FNIP1: variants seen among roughly 807,000 people sequenced by gnomAD.
FNIP1 encodes folliculin interacting protein 1, also known as folliculin-interacting protein 1.
Under a neutral mutation model 124.5 loss-of-function variants are expected in FNIP1, and 40 were observed. That is an observed-to-expected ratio of 0.32 (90% CI 0.25 to 0.42). The LOEUF (loss-of-function observed/expected upper bound fraction) is 0.42. FNIP1 is among the 10% of genes least tolerant of loss of function. The probability of loss-of-function intolerance (pLI) is 1.00; values close to 1 mark genes in which losing one functional copy is unlikely to be tolerated. For synonymous variants in FNIP1, 472 were observed against 470.6 expected (o/e 1.00, Z -0.04); for missense variants, 1,176 against 1,403.7 (o/e 0.84, Z 2.59).
chr5:131,780,497 T>A (rs1397898299), intron 1 of FNIP1, among the ~76,000 whole-genome samples: 11 of 152,188 alleles, frequency 7.2e-5, no homozygotes, highest in Admixed American at 7.2e-4. Flanking sequence ...TTATTTTTTT[T>A]ACAAATTGAA....
chr5:131,739,833 A>C lies in FNIP1; in HGVS notation c.219+4731T>G, dbSNP rs537764296. ...AGCTCAAAAAAAAAAAAAAAAAAAA[A>C]AAAACACTGTTTTAGATACTGAGAC... On this transcript the variant is annotated intron_variant, in intron 2 of 17. Coordinates refer to ENST00000510461, the MANE Select transcript of FNIP1 (RefSeq NM_133372.3). 1.1e-3 allele frequency among the ~76,000 whole-genome samples: 160 copies of C among 148,484 alleles called. 1 individual carries two copies. The East Asian group carries it at 0.016, about 15-fold the overall frequency.
chr5:131,649,667 A>G (rs1766989290), intron 16 of FNIP1, among the ~76,000 whole-genome samples: 1 of 152,050 alleles, frequency 6.6e-6, no homozygotes, highest in African/African-American at 2.4e-5. Flanking sequence ...CAATTTATCT[A>G]TTTTTTTACT....
intron 3 of FNIP1, 57 bp from the exon 4 acceptor site, chr5:131,719,474 A>C: frequency 4.8e-6 from 7 of 1,464,142 alleles, no homozygotes; most frequent in African/African-American, 1.4e-5. Context: ...TGACTATTTC[A>C]TATGTTGATT....
chr5:131,729,433 C>T (rs186689233), intron 3 of FNIP1, among the ~76,000 whole-genome samples: 1 of 152,332 alleles, frequency 6.6e-6, no homozygotes, highest in East Asian at 1.9e-4. Flanking sequence ...CTTAGCTGAG[C>T]TGCAGTGAGC....
At chr5:131,670,672 A>G in intron 14 of FNIP1, 41 bp from the exon 15 acceptor site, 1 of 1,436,564 alleles carries the variant, frequency 7.0e-7, no homozygotes, top group Non-Finnish European at 9.4e-7. Flanking sequence ...ATTTAGTAAT[A>G]AATATATTTA....
At chr5:131,696,122 A>G (rs1174243374) in intron 11 of FNIP1, among the ~76,000 whole-genome samples, 1 of 152,250 alleles carries the variant, frequency 6.6e-6, no homozygotes, top group Non-Finnish European at 1.5e-5. Flanking sequence ...TTTCCATCTT[A>G]CATTCATAAA....
At chr5:131,735,811 G>C (rs1770283110) in intron 2 of FNIP1, among the ~76,000 whole-genome samples, 1 of 151,248 alleles carries the variant, frequency 6.6e-6, no homozygotes, top group African/African-American at 2.4e-5. Flanking sequence ...AAGGGAATGT[G>C]TGTGTGTGTG....
intron 1 of FNIP1, chr5:131,795,906 T>C (rs1006175324): frequency 2.0e-5 from 3 of 152,250 alleles, no homozygotes; most frequent in East Asian, 1.9e-4. Context: ...AGCCTAGTTA[T>C]ATTTGCAAGT....
At chr5:131,689,814 AT>A in intron 11 of FNIP1, among the ~76,000 whole-genome samples, 1 of 152,230 alleles carries the variant, frequency 6.6e-6, no homozygotes. Flanking sequence ...AACTATATCA[AT>A]TATCACTTCA....
chr5:131,726,716 GTTTGCT>G (rs1396274483), intron 3 of FNIP1, among the ~76,000 whole-genome samples: 1 of 152,078 alleles, frequency 6.6e-6, no homozygotes, highest in Non-Finnish European at 1.5e-5. Context: ...TTTTGAATTT[GTTTGCT>G]TTTGCTTCTC....
intron 2 of FNIP1, among the ~76,000 whole-genome samples, chr5:131,731,707 G>A (rs998280414): frequency 6.6e-6 from 1 of 151,442 alleles, no homozygotes; most frequent in African/African-American, 2.4e-5. Flanking sequence ...AAGTTATCGA[G>A]GATCCCAAGA....
chr5:131,690,436 G>A (rs978015943), intron 11 of FNIP1, among the ~76,000 whole-genome samples: 5 of 152,004 alleles, frequency 3.3e-5, no homozygotes, highest in African/African-American at 4.8e-5. Context: ...TTTGAATCAC[G>A]GAGGCGGTTT....
chr5:131,676,988 T>C (rs1767931167), intron 13 of FNIP1, among the ~76,000 whole-genome samples: 1 of 152,218 alleles, frequency 6.6e-6, no homozygotes, highest in South Asian at 2.1e-4. Context: ...CCCCATCATC[T>C]AAAAGCAACA....
At chr5:131,696,833 G>C (rs1332459690) in intron 11 of FNIP1, among the ~76,000 whole-genome samples, 1 of 151,994 alleles carries the variant, frequency 6.6e-6, no homozygotes, top group Non-Finnish European at 1.5e-5. Context: ...AGAACAGTAA[G>C]ATATATTTAA....
chr5:131,645,273 G>C (rs564770297), intron 17 of FNIP1, among the ~76,000 whole-genome samples: 111 of 147,906 alleles, frequency 7.5e-4, no homozygotes, highest in Non-Finnish European at 1.5e-3. Flanking sequence ...AGTCAGCTAT[G>C]TACCAACAGC....
At chr5:131,664,424 T>A (rs965153611) in intron 15 of FNIP1, among the ~76,000 whole-genome samples, 1 of 151,844 alleles carries the variant, frequency 6.6e-6, no homozygotes, top group African/African-American at 2.4e-5. Flanking sequence ...CACTTGAGGC[T>A]CCAGAGTTCG....
chr5:131,739,706 G>T (rs1012283161), intron 2 of FNIP1, among the ~76,000 whole-genome samples: 2 of 151,570 alleles, frequency 1.3e-5, no homozygotes, highest in East Asian at 3.9e-4. Flanking sequence ...CCAGCTACTC[G>T]GGAGGCTGAG....
At chr5:131,700,272 A>G (rs1216650133) in intron 10 of FNIP1, among the ~76,000 whole-genome samples, 1 of 152,172 alleles carries the variant, frequency 6.6e-6, no homozygotes, top group African/African-American at 2.4e-5. Context: ...ATGAGCCACC[A>G]TGCCTGGCCA....
Position 131,744,647 on chromosome 5 carries a change from C to T in FNIP1, c.136G>A (p.Val46Ile), listed in dbSNP as rs368291968. 95 of 1,611,144 alleles carry T rather than the reference C, an allele frequency of 5.9e-5. No individual in the cohort carries two copies. Among genetic ancestry groups the T allele is most frequent in the Non-Finnish European group, 7.6e-5 (89 of 1,178,682 alleles). Residue 46 changes from valine to isoleucine, a missense_variant, in exon 2 of 18, where the codon GTA (valine) becomes ATA (isoleucine). Around this residue, in one of 2 missense-constraint regions of FNIP1, gnomAD observed 1,109 missense variants for 1,288.5 expected, o/e 0.86. Coordinates refer to ENST00000510461, the MANE Select transcript of FNIP1 (RefSeq NM_133372.3). ...EFDPSQIRLI[V>I]YQDCERRGRN... ...CCTCGTCTTTCACAGTCTTGATATA[C>T]AATCAGTCGAATCTGGCTTGGATCA...
Sources: gnomAD v4.1 joint callset for allele counts (sites outside exome capture counted in the v4.1 genomes callset) on GRCh38, gnomAD v4.1.1 for gene constraint, gnomAD v4.1.1 regional missense constraint, MANE v1.5 for transcripts, NCBI Gene and HGNC (gene_info 2026-07-23, HGNC 2026-07-21) for gene names.